TRAPPC10: variants seen among roughly 807,000 people sequenced by gnomAD.
The protein encoded by TRAPPC10 is trafficking protein particle complex subunit 10.
Under a neutral mutation model 125.5 loss-of-function variants are expected in TRAPPC10, and 23 were observed. The observed-to-expected ratio is 0.18, with a 90% CI of 0.13 to 0.26. TRAPPC10 has a LOEUF of 0.26. Ranked by LOEUF, TRAPPC10 falls within the 10% of genes least tolerant of loss-of-function variation. TRAPPC10 has a pLI of 1.00. For missense variants in TRAPPC10, 1,123 were observed against 1,308.4 expected (o/e 0.86, Z 2.19); for synonymous variants, 509 against 518.0 (o/e 0.98, Z 0.24).
At chr21:44,057,662 A>G (rs1048168881) in intron 5 of TRAPPC10, among the ~76,000 whole-genome samples, 1 of 152,244 alleles carries the variant, frequency 6.6e-6, no homozygotes, top group African/African-American at 2.4e-5. Context: ...AAAGAAAAAG[A>G]TGAGTTTATT....
At position 44,059,311 on chromosome 21, in the gene TRAPPC10, C is replaced by T. The variant is rs562793965; in HGVS notation, c.790+97C>T. 7.2e-5 allele frequency: 59 copies of T among 822,618 alleles called. 1 individual carries two copies. Among genetic ancestry groups the T allele is most frequent in the African/African-American group, 2.8e-4 (16 of 58,160 alleles). The allele number at this position is 822,618 out of a possible 1,614,324, so 51.0% of individuals were successfully genotyped here. On this transcript the variant is annotated intron_variant, in intron 6 of 22. Transcript: ENST00000291574. This position sits in a 1 kb window ranked among gnomAD's most constrained non-coding sequence, Gnocchi z 4.4. Reference sequence around the variant, plus strand: ...CAGCCATTTATTTACCTCAGGAGTACGCATGTTTTGTTGTTGTCTTTATAC... The same window carrying T: ...CAGCCATTTATTTACCTCAGGAGTATGCATGTTTTGTTGTTGTCTTTATAC...
chr21:44,075,046 C>T lies in TRAPPC10; in HGVS notation c.1193C>T (p.Ser398Phe), dbSNP rs903954652. The T allele has an allele frequency of 5.0e-6, 8 of 1,610,724 alleles. No individual in the cohort carries two copies. Among genetic ancestry groups the T allele is most frequent in the South Asian group, 1.1e-5 (1 of 90,978 alleles). Residue 398 changes from serine (S) to phenylalanine (F), a missense_variant, in exon 9 of 23, where the codon TCC (serine) becomes TTC (phenylalanine). Physicochemically the swap from Ser to Phe is radical, Grantham distance 155. Transcript: ENST00000291574. The stretch of plus-strand genomic sequence containing the variant: ...GTGGATTTATCTTAACAGTTAAAGT[C>T]CTTGGGCTATCTATGTGGACTTGTG... Reference protein sequence around the residue: ...LWSYATEKLKSLGYLCGLVSE... With the variant: ...LWSYATEKLKFLGYLCGLVSE...
chr21:44,050,639 T>G (rs2035171849), intron 3 of TRAPPC10, among the ~76,000 whole-genome samples: 1 of 152,198 alleles, frequency 6.6e-6, no homozygotes. Flanking sequence ...AATCTATGCT[T>G]CAAGTCCCAA....
chr21:44,077,690 C>A lies in TRAPPC10; in HGVS notation c.1378-3C>A. 1 of 1,594,234 alleles carries A rather than the reference C, an allele frequency of 6.3e-7. No individual in the cohort carries two copies. Among genetic ancestry groups the A allele is most frequent in the Non-Finnish European group, 8.6e-7 (1 of 1,167,552 alleles). On this transcript the variant is annotated splice_polypyrimidine_tract_variant and splice_region_variant and intron_variant, in intron 10 of 22. Coordinates refer to ENST00000291574, the MANE Select transcript of TRAPPC10 (RefSeq NM_003274.5). ...ACATAATTGTGTTTTTACTTCCCCA[C>A]AGGATTTGTCCCATGCCACCATTGA...
chr21:44,086,227 C>T (rs1325047005), intron 15 of TRAPPC10, among the ~76,000 whole-genome samples: 1 of 152,222 alleles, frequency 6.6e-6, no homozygotes, highest in East Asian at 1.9e-4. Context: ...CCACTCTCCC[C>T]CCGGTCCTGG....
rs1205632128 is a variant in TRAPPC10, at chr21:44,054,124, G to C, written c.483-1574G>C. Among the ~76,000 whole-genome samples the C allele has an allele frequency of 2.0e-5, 3 of 152,150 alleles. No homozygotes were observed. In the East Asian group the frequency reaches 5.8e-4, roughly 29 times the overall value. On this transcript the variant is annotated intron_variant, in intron 4 of 22. Coordinates refer to ENST00000291574, the MANE Select transcript of TRAPPC10 (RefSeq NM_003274.5). ...TTATAATCCTTGAGAATGCCTTAAG[G>C]ATAAACTACCTAACTCATAGGTTCT...
Position 44,052,346 on chromosome 21 carries a change from C to G in TRAPPC10, c.352C>G (p.His118Asp). The change falls in exon 4 of 23, where the codon CAT becomes GAT. Residue 118 changes from histidine to aspartate, a missense_variant. Around this residue, in one of 4 missense-constraint regions of TRAPPC10, gnomAD observed 177 missense variants for 228.9 expected, o/e 0.77. Coordinates refer to ENST00000291574, the MANE Select transcript of TRAPPC10 (RefSeq NM_003274.5). ...LTKWQNVLKA[H>D]SSVDWLIVIV... is the part of the protein sequence containing the mutation. ...CAAGTGGCAGAATGTTCTGAAGGCT[C>G]ATAGCTCTGTGGACTGGTTAATAGT... The G allele has an allele frequency of 6.2e-7, 1 of 1,613,282 alleles. No homozygotes were observed.
intron 3 of TRAPPC10, among the ~76,000 whole-genome samples, chr21:44,045,023 C>T (rs2034681437): frequency 6.6e-6 from 1 of 152,086 alleles, no homozygotes; most frequent in Admixed American, 6.5e-5. Flanking sequence ...ATCCCTCCGC[C>T]TCCCGGGTTC....
chr21:44,077,168 T>C (rs1049300695), intron 10 of TRAPPC10, among the ~76,000 whole-genome samples: 1 of 152,220 alleles, frequency 6.6e-6, no homozygotes, highest in Admixed American at 6.5e-5. Context: ...ATGTTTTGGA[T>C]GAGTTTGTGG....
At chr21:44,055,269 C>A (rs951524054) in intron 4 of TRAPPC10, among the ~76,000 whole-genome samples, 4 of 152,056 alleles carry the variant, frequency 2.6e-5, no homozygotes, top group Non-Finnish European at 5.9e-5. Flanking sequence ...TGGTTTCTTA[C>A]CGCCTGCCTC....
intron 3 of TRAPPC10, among the ~76,000 whole-genome samples, chr21:44,040,539 T>C (rs952140208): frequency 2.6e-5 from 4 of 152,100 alleles, no homozygotes; most frequent in South Asian, 4.1e-4. Context: ...GGTTTTGCCA[T>C]GTTGGACAGG....
At chr21:44,051,611 G>A (rs1317117075) in intron 3 of TRAPPC10, among the ~76,000 whole-genome samples, 2 of 152,234 alleles carry the variant, frequency 1.3e-5, no homozygotes, top group Admixed American at 6.5e-5. Flanking sequence ...TGCGTGAGAA[G>A]CAGGATTGAT....
At position 44,087,677 on chromosome 21, in the gene TRAPPC10, T is replaced by A; in HGVS notation, c.2540-22T>A. On this transcript the variant is annotated intron_variant, in intron 16 of 22. Coordinates refer to ENST00000291574, the MANE Select transcript of TRAPPC10 (RefSeq NM_003274.5). The surrounding 1 kb of genome is among the most constrained non-coding windows in gnomAD (Gnocchi z 4.6). ...TGAAACCGAGGGAACAGCTTTGAAG[T>A]GACTTTTTCTGTCCTTCGTAGAACA... 6.2e-7 allele frequency: 1 copy of A among 1,606,248 alleles called. No individual in the cohort carries two copies. Among genetic ancestry groups the A allele is most frequent in the South Asian group, 1.1e-5 (1 of 90,992 alleles).
intron 3 of TRAPPC10, among the ~76,000 whole-genome samples, chr21:44,047,286 G>A (rs1005342251): frequency 2.0e-5 from 3 of 152,156 alleles, no homozygotes; most frequent in Non-Finnish European, 2.9e-5. Context: ...GGGTTCAAGC[G>A]ATTCTTGTGC....
intron 19 of TRAPPC10, among the ~76,000 whole-genome samples, 160 bp downstream of exon 19, chr21:44,092,209 C>T (rs1397266584): frequency 1.3e-5 from 2 of 152,236 alleles, no homozygotes; most frequent in South Asian, 2.1e-4. Flanking sequence ...GAGGCTGGAT[C>T]GAGGCTTGCT....
At chr21:44,081,658 A>G (rs1241618302) in intron 13 of TRAPPC10, among the ~76,000 whole-genome samples, 1 of 152,112 alleles carries the variant, frequency 6.6e-6, no homozygotes, top group Non-Finnish European at 1.5e-5. Flanking sequence ...AGGCCGGGGC[A>G]GGCAGATCAC....
intron 2 of TRAPPC10, among the ~76,000 whole-genome samples, chr21:44,035,912 A>G (rs958148468): frequency 4.6e-5 from 7 of 152,224 alleles, no homozygotes; most frequent in Admixed American, 1.3e-4. Context: ...TGTATAGCTG[A>G]AAAGCAAATT....
chr21:44,053,202 T>C (rs1334096953), intron 4 of TRAPPC10, among the ~76,000 whole-genome samples: 3 of 152,194 alleles, frequency 2.0e-5, no homozygotes, highest in Non-Finnish European at 2.9e-5. Flanking sequence ...AGGTACATGC[T>C]CATTGTAGAA....
In TRAPPC10 at chr21:44,064,303, A is replaced by ATGTGTGTG. The variant is rs10526131; in HGVS notation, c.1038+547_1038+554dup. On this transcript the variant is annotated intron_variant, in intron 7 of 22. Coordinates refer to ENST00000291574, the MANE Select transcript of TRAPPC10 (RefSeq NM_003274.5). The stretch of plus-strand genomic sequence containing the variant: ...GCTTCATGGAAGATATGTCATAAAT[A>ATGTGTGTG]TGTGTGTGTGTGTGTGTGTGTGTGT... Among the ~76,000 whole-genome samples, 22 of 148,316 alleles carry ATGTGTGTG rather than the reference A, an allele frequency of 1.5e-4. 1 individual carries two copies. The South Asian group carries it at 1.7e-3, about 12-fold the overall frequency.
Sources: gnomAD v4.1 joint callset for allele counts (sites outside exome capture counted in the v4.1 genomes callset) on GRCh38, gnomAD v4.1.1 for gene constraint, gnomAD v4.1.1 regional missense constraint, Gnocchi (gnomAD v3.1) non-coding constraint, MANE v1.5 for transcripts, NCBI Gene and HGNC (gene_info 2026-07-23, HGNC 2026-07-21) for gene names.